PCDH7: variants seen among roughly 807,000 people sequenced by gnomAD.
The protein encoded by PCDH7 is protocadherin 7.
In PCDH7, 17 loss-of-function variants were observed where a neutral mutation model predicts 58.9. The observed-to-expected ratio is 0.29, with a 90% CI of 0.20 to 0.43. The LOEUF is 0.43. Among genes scored for constraint, PCDH7 ranks in the 20% least tolerant of loss-of-function variants. PCDH7 has a pLI of 1.00. For synonymous variants in PCDH7, 664 were observed against 616.4 expected, an observed-to-expected ratio of 1.08 and a Z score of -1.14; for missense variants, 1,274 against 1,441.0, an observed-to-expected ratio of 0.88 and a Z score of 1.88.
chr4:30,938,333 T>C (rs1745600676), intron 2 of PCDH7, among the ~76,000 whole-genome samples: 2 of 152,272 alleles, frequency 1.3e-5, no homozygotes, highest in East Asian at 1.9e-4. Context: ...GTACGTGATA[T>C]GCATTTCTAA....
At chr4:31,056,485 G>T (rs914069280) in intron 3 of PCDH7, among the ~76,000 whole-genome samples, 1 of 130,844 alleles carries the variant, frequency 7.6e-6, no homozygotes, top group Non-Finnish European at 1.6e-5. Flanking sequence ...AAGAAAGAAA[G>T]AAAGAAAGAA....
At chr4:31,119,365 A>G (rs908432820) in intron 3 of PCDH7, among the ~76,000 whole-genome samples, 1 of 152,134 alleles carries the variant, frequency 6.6e-6, no homozygotes, top group African/African-American at 2.4e-5. Context: ...GGTTATAATT[A>G]ATCCACACCC....
At position 31,003,837 on chromosome 4, in the gene PCDH7, A is replaced by G. The variant is rs560806225; in HGVS notation, c.*7+53622A>G. Reference sequence around the variant, plus strand: ...GCAGGAGAACGGCATGAACCCGAAAAAAAAAGGTTCTGATTTTGGAGGATT... The same window carrying G: ...GCAGGAGAACGGCATGAACCCGAAAGAAAAAGGTTCTGATTTTGGAGGATT... On this transcript the variant is annotated intron_variant, in intron 3 of 3. Transcript: ENST00000509759. Among the ~76,000 whole-genome samples the G allele has an allele frequency of 3.3e-5, 5 of 152,184 alleles. No individual in the cohort carries two copies. In the East Asian group the frequency reaches 9.7e-4, roughly 29 times the overall value.
chr4:30,943,050 G>T (rs1353574804), intron 2 of PCDH7, among the ~76,000 whole-genome samples: 2 of 151,690 alleles, frequency 1.3e-5, no homozygotes, highest in Non-Finnish European at 2.9e-5. Flanking sequence ...ATTTGCTATG[G>T]GTTTGCAAAA....
chr4:30,735,129 G>T (rs1716071118), downstream of PCDH7, among the ~76,000 whole-genome samples: 1 of 151,974 alleles, frequency 6.6e-6, no homozygotes, highest in African/African-American at 2.4e-5. Context: ...ACATTTTGAG[G>T]GGGTATGAAG....
chr4:30,829,749 C>T (rs944905486), intron 1 of PCDH7, among the ~76,000 whole-genome samples: 1 of 152,008 alleles, frequency 6.6e-6, no homozygotes, highest in African/African-American at 2.4e-5. Context: ...TTTGCATTAT[C>T]CACAGTATTT....
intron 3 of PCDH7, among the ~76,000 whole-genome samples, chr4:31,118,373 A>G (rs1717248653): frequency 6.6e-6 from 1 of 152,178 alleles, no homozygotes; most frequent in Non-Finnish European, 1.5e-5. Context: ...TTCTTGTGGA[A>G]TATTAAACAA....
intron 1 of PCDH7, among the ~76,000 whole-genome samples, chr4:30,738,528 T>G (rs1716622200): frequency 6.6e-6 from 1 of 152,344 alleles, no homozygotes; most frequent in African/African-American, 2.4e-5. Context: ...CATCACTGAC[T>G]GCTGTCTGCA....
chr4:30,972,499 T>C (rs971928321), intron 3 of PCDH7, among the ~76,000 whole-genome samples: 5 of 152,170 alleles, frequency 3.3e-5, no homozygotes, highest in African/African-American at 1.2e-4. Flanking sequence ...GAGCCAGCCC[T>C]AAAATTCAGA....
chr4:30,785,761 C>G (rs1202756115), intron 1 of PCDH7, among the ~76,000 whole-genome samples: 2 of 152,000 alleles, frequency 1.3e-5, no homozygotes, highest in African/African-American at 4.8e-5. Context: ...TGCATTGTTA[C>G]ATTGGAAATT....
intron 3 of PCDH7, among the ~76,000 whole-genome samples, chr4:31,033,084 A>C (rs1755097477): frequency 6.6e-6 from 1 of 152,208 alleles, no homozygotes. Context: ...GAGTAATTTT[A>C]AAGTAATATT....
intron 3 of PCDH7, among the ~76,000 whole-genome samples, chr4:31,110,925 A>T (rs2109311233): frequency 6.6e-6 from 1 of 152,170 alleles, no homozygotes; most frequent in East Asian, 1.9e-4. Flanking sequence ...AAAAAAAAAA[A>T]AAAAATTGAA....
chr4:31,033,735 C>T (rs963435331), intron 3 of PCDH7, among the ~76,000 whole-genome samples: 3 of 152,172 alleles, frequency 2.0e-5, no homozygotes, highest in Non-Finnish European at 2.9e-5. Context: ...AATTTCTCAC[C>T]TCCACTTTCA....
intron 1 of PCDH7, among the ~76,000 whole-genome samples, chr4:30,857,073 G>A (rs576611949): frequency 6.6e-6 from 1 of 152,136 alleles, no homozygotes; most frequent in South Asian, 2.1e-4. Context: ...CAAGGTTAAC[G>A]ATGATATTTG....
intron 1 of PCDH7, among the ~76,000 whole-genome samples, chr4:30,798,127 A>G (rs1410783396): frequency 6.6e-6 from 1 of 152,222 alleles, no homozygotes; most frequent in Non-Finnish European, 1.5e-5. Context: ...AGGCAGCATC[A>G]TATAAAATGA....
chr4:31,022,579 A>G (rs28595626), intron 3 of PCDH7, among the ~76,000 whole-genome samples: 52,392 of 151,716 alleles, frequency 0.35, 11,708 homozygotes, highest in African/African-American at 0.63. Context: ...CATAAATGTC[A>G]AAAAGAGATT....
intron 1 of PCDH7, among the ~76,000 whole-genome samples, chr4:30,892,927 C>T (rs1738810576): frequency 6.6e-6 from 1 of 151,968 alleles, no homozygotes; most frequent in African/African-American, 2.4e-5. Context: ...TCCTGTTTAC[C>T]TAGGCCACTT....
chr4:30,818,996 A>G (rs1728027477), intron 1 of PCDH7, among the ~76,000 whole-genome samples: 1 of 152,178 alleles, frequency 6.6e-6, no homozygotes, highest in Non-Finnish European at 1.5e-5. Flanking sequence ...CTAACTGGAA[A>G]GGGAAAGACA....
At chr4:31,133,927 C>A (rs1048787809) in intron 3 of PCDH7, among the ~76,000 whole-genome samples, 2 of 152,156 alleles carry the variant, frequency 1.3e-5, no homozygotes, top group Admixed American at 6.5e-5. Context: ...GTTGCTGATG[C>A]TTTCAGACAT....
Sources: gnomAD v4.1 joint callset for allele counts (sites outside exome capture counted in the v4.1 genomes callset) on GRCh38, gnomAD v4.1.1 for gene constraint, MANE v1.5 for transcripts, NCBI Gene and HGNC (gene_info 2026-07-23, HGNC 2026-07-21) for gene names.